TAS2R1: variants seen among roughly 807,000 people sequenced by gnomAD.
TAS2R1 encodes taste 2 receptor member 1.
For missense variants in TAS2R1, 370 were observed against 353.4 expected (o/e 1.05, Z -0.38); for synonymous variants, 141 against 134.2 (o/e 1.05, Z -0.35).
chr5:9,706,394 C>T (rs1741611509), intron 1 of TAS2R1, among the ~76,000 whole-genome samples: 1 of 152,306 alleles, frequency 6.6e-6, no homozygotes, highest in Non-Finnish European at 1.5e-5. Flanking sequence ...CAAGTAGGAA[C>T]TGTCCAGTGG....
the TAS2R1 span, among the ~76,000 whole-genome samples, chr5:9,723,605 C>T: frequency 5.9e-5 from 9 of 152,222 alleles, no homozygotes; most frequent in Non-Finnish European, 1.5e-5. Context: ...GATGCCCACC[C>T]TCACTGCCAA....
chr5:9,778,390 T>G, the TAS2R1 span, among the ~76,000 whole-genome samples: 1 of 152,162 alleles, frequency 6.6e-6, no homozygotes, highest in Non-Finnish European at 1.5e-5. Context: ...AAATGGTAAA[T>G]GAGCCCTGGC....
At chr5:9,656,834 A>G (rs1740425765) in intron 2 of TAS2R1, among the ~76,000 whole-genome samples, 1 of 152,230 alleles carries the variant, frequency 6.6e-6, no homozygotes, top group African/African-American at 2.4e-5. Flanking sequence ...GTCTTGAACA[A>G]TGTTTTCTAA....
chr5:9,714,110 G>C (rs1734758854), upstream of TAS2R1: 2 of 152,220 alleles, frequency 1.3e-5, no homozygotes, highest in East Asian at 3.9e-4. Flanking sequence ...TTCCTCATGT[G>C]CACAAATGGC....
the TAS2R1 span, among the ~76,000 whole-genome samples, chr5:9,818,225 G>A: frequency 6.6e-6 from 1 of 152,068 alleles, no homozygotes; most frequent in African/African-American, 2.4e-5. Flanking sequence ...TTATACAAGT[G>A]GGCTCATTTG....
At chr5:9,678,644 A>G (rs532638470) in intron 1 of TAS2R1, among the ~76,000 whole-genome samples, 1 of 152,300 alleles carries the variant, frequency 6.6e-6, no homozygotes, top group East Asian at 1.9e-4. Context: ...ACACAGATGG[A>G]CCTGGAAGCT....
the TAS2R1 span, among the ~76,000 whole-genome samples, chr5:9,775,954 C>T: frequency 6.6e-6 from 1 of 152,206 alleles, no homozygotes; most frequent in Non-Finnish European, 1.5e-5. Flanking sequence ...TTGGCTGCCC[C>T]AGCTGGTGTC....
At chr5:9,861,835 G>T in the TAS2R1 span, among the ~76,000 whole-genome samples, 1 of 152,192 alleles carries the variant, frequency 6.6e-6, no homozygotes, top group Non-Finnish European at 1.5e-5. Flanking sequence ...CCCCAGCTCA[G>T]CCTGAAGCAT....
the TAS2R1 span, among the ~76,000 whole-genome samples, chr5:9,762,891 GA>G: frequency 1.3e-5 from 2 of 152,114 alleles, no homozygotes; most frequent in African/African-American, 4.8e-5. Context: ...ATTCTCTTTG[GA>G]AAATTCCTAT....
chr5:9,729,803 T>G, the TAS2R1 span, among the ~76,000 whole-genome samples: 8 of 152,218 alleles, frequency 5.3e-5, no homozygotes, highest in African/African-American at 1.7e-4. Context: ...GCCGGCTCAG[T>G]GACCCATCCA....
the TAS2R1 span, among the ~76,000 whole-genome samples, chr5:9,724,025 G>T: frequency 6.6e-6 from 1 of 152,216 alleles, no homozygotes; most frequent in Non-Finnish European, 1.5e-5. Flanking sequence ...GGATGTAGTT[G>T]AGAATTGCAT....
chr5:9,766,827 G>A, the TAS2R1 span, among the ~76,000 whole-genome samples: 21 of 152,136 alleles, frequency 1.4e-4, no homozygotes, highest in African/African-American at 4.6e-4. Context: ...AGAGAGGGAG[G>A]GAGGTGTGAC....
rs75947538 is a variant in TAS2R1, at chr5:9,709,238, A to G, written c.-242+2934T>C. 5.5e-3 allele frequency among the ~76,000 whole-genome samples: 839 copies of G among 152,016 alleles called. 4 individuals carry two copies. Among genetic ancestry groups the G allele is most frequent in the Non-Finnish European group, 8.4e-3 (572 of 67,980 alleles). On this transcript the variant is annotated intron_variant, in intron 1 of 2. Coordinates refer to the TAS2R1 transcript ENST00000506620. ...AACCCTTTCCAGAAATACCTTCCAC[A>G]GACTCACTCATTGGCTAGAAGTGGG...
chr5:9,700,916 A>G (rs1741466556), intron 1 of TAS2R1, among the ~76,000 whole-genome samples: 1 of 152,118 alleles, frequency 6.6e-6, no homozygotes, highest in Non-Finnish European at 1.5e-5. Flanking sequence ...GTTTCCAAAT[A>G]CAGTCACATT....
At chr5:9,835,301 G>A in the TAS2R1 span, among the ~76,000 whole-genome samples, 2 of 152,186 alleles carry the variant, frequency 1.3e-5, no homozygotes, top group African/African-American at 2.4e-5. Context: ...CTGTGGCCAG[G>A]GGGAGCCCTT....
At chr5:9,746,411 A>G in the TAS2R1 span, among the ~76,000 whole-genome samples, 3 of 152,360 alleles carry the variant, frequency 2.0e-5, no homozygotes, top group South Asian at 6.2e-4. Flanking sequence ...CAATCCCATT[A>G]CTGGATATAT....
chr5:9,648,155 G>A (rs1329658930), intron 2 of TAS2R1, among the ~76,000 whole-genome samples: 1 of 152,060 alleles, frequency 6.6e-6, no homozygotes. Flanking sequence ...AGTATGGATT[G>A]GGGAGAGAAT....
intron 2 of TAS2R1, among the ~76,000 whole-genome samples, chr5:9,650,575 T>G (rs1183477299): frequency 6.6e-6 from 1 of 152,160 alleles, no homozygotes; most frequent in Non-Finnish European, 1.5e-5. Flanking sequence ...TGTGCACATA[T>G]GCTGTCCGTG....
the TAS2R1 span, among the ~76,000 whole-genome samples, chr5:9,742,899 C>CA: frequency 1.3e-4 from 20 of 148,872 alleles, no homozygotes; most frequent in African/African-American, 2.9e-4. Flanking sequence ...AAAACTGAAC[C>CA]AAAAAAAAAG....
Sources: allele counts gnomAD v4.1 joint callset (sites outside exome capture counted in the v4.1 genomes callset), GRCh38; gene constraint gnomAD v4.1.1; transcripts MANE v1.5; gene names NCBI Gene and HGNC (gene_info 2026-07-23, HGNC 2026-07-21).